Variants in TNFSF15 observed in about 807,000 individuals in gnomAD.
The protein encoded by TNFSF15 is tumor necrosis factor ligand superfamily member 15.
A neutral mutation model predicts 26.4 loss-of-function variants in TNFSF15; 15 were observed. The observed-to-expected ratio is 0.57, with a 90% CI of 0.38 to 0.87. The LOEUF (loss-of-function observed/expected upper bound fraction) is 0.87, where lower values mean the gene tolerates loss of function less well. Ranked by LOEUF, TNFSF15 falls within the 40% of genes least tolerant of loss-of-function variation. TNFSF15 has a pLI of 0.00. For missense variants in TNFSF15, 290 were observed against 306.1 expected (o/e 0.95, Z 0.39); for synonymous variants, 116 against 115.0 (o/e 1.01, Z -0.06).
At chr9:114,799,703 T>C (rs576638505) in intron 1 of TNFSF15, among the ~76,000 whole-genome samples, 2 of 152,334 alleles carry the variant, frequency 1.3e-5, no homozygotes, top group Non-Finnish European at 2.9e-5. Context: ...GTATGCTCCA[T>C]TGGGTGCGGA....
intron 1 of TNFSF15, among the ~76,000 whole-genome samples, chr9:114,800,419 G>T (rs1829730591): frequency 6.6e-6 from 1 of 152,090 alleles, no homozygotes. Flanking sequence ...TATGGGGTAG[G>T]TGCTTTTCAT....
intron 1 of TNFSF15, among the ~76,000 whole-genome samples, chr9:114,800,669 A>G (rs189244452): frequency 6.6e-6 from 1 of 152,290 alleles, no homozygotes; most frequent in Non-Finnish European, 1.5e-5. Flanking sequence ...GAGGTGATGC[A>G]TGTAGTAATG....
intron 1 of TNFSF15, among the ~76,000 whole-genome samples, chr9:114,798,123 G>A (rs1352060092): frequency 6.6e-6 from 1 of 152,182 alleles, no homozygotes; most frequent in Non-Finnish European, 1.5e-5. Flanking sequence ...GGCCTCTAAA[G>A]GTCTTCATCA....
chr9:114,804,610 C>T (rs1335029278), intron 1 of TNFSF15, among the ~76,000 whole-genome samples: 1 of 152,202 alleles, frequency 6.6e-6, no homozygotes, highest in Non-Finnish European at 1.5e-5. Context: ...CCAGCAGAAA[C>T]TGGCCCCTTG....
At chr9:114,797,628 C>G (rs112714800) in intron 1 of TNFSF15, among the ~76,000 whole-genome samples, 7 of 152,320 alleles carry the variant, frequency 4.6e-5, no homozygotes, top group African/African-American at 1.4e-4. Flanking sequence ...GAACACCAGG[C>G]CAATGCAATG....
At position 114,789,772 on chromosome 9, in the gene TNFSF15, A is replaced by G. The variant is rs372229873; in HGVS notation, c.*680T>C. On this transcript the variant is annotated 3_prime_UTR_variant, in exon 4 of 4. Coordinates refer to ENST00000374045, the MANE Select transcript of TNFSF15 (RefSeq NM_005118.4). ...CAAAATAGGTGGGCAAGAAAACTCT[A>G]CTGAATACAAGCAACTGTTGTATTT... 1 of 152,332 alleles carries G rather than the reference A, an allele frequency of 6.6e-6. No homozygotes were observed. Among genetic ancestry groups the G allele is most frequent in the Non-Finnish European group, 1.5e-5 (1 of 68,030 alleles). 9.4% of individuals were successfully genotyped at this position (152,332 alleles called of 1,614,324 possible). A position where few individuals can be genotyped will look rare whatever the true frequency, so the allele number is the denominator to read the frequency against.
At chr9:114,796,950 G>A (rs543875104) in intron 1 of TNFSF15, among the ~76,000 whole-genome samples, 1 of 152,310 alleles carries the variant, frequency 6.6e-6, no homozygotes, top group East Asian at 1.9e-4. Context: ...AACTTATTCT[G>A]TAGTCTATTG....
At position 114,806,025 on chromosome 9, in the gene TNFSF15, C is replaced by G; in HGVS notation, c.-13G>C. The G allele has an allele frequency of 1.2e-6, 2 of 1,611,984 alleles. No individual in the cohort carries two copies. Among genetic ancestry groups the G allele is most frequent in the Non-Finnish European group, 1.7e-6 (2 of 1,178,822 alleles). ...GATCCTCGGCCATGCTCCTGCTGCT[C>G]CTGGAGGCACCTCTGACTCCTGGGC... On this transcript the variant is annotated 5_prime_UTR_variant, in exon 1 of 4. Transcript: ENST00000374045.
chr9:114,802,269 T>C (rs1009036285), intron 1 of TNFSF15, among the ~76,000 whole-genome samples: 5 of 152,228 alleles, frequency 3.3e-5, no homozygotes. Context: ...GTTTTTGTTT[T>C]TGAGACGGAG....
At chr9:114,791,210 A>C (rs1347072488) in intron 3 of TNFSF15, 1 of 533,020 alleles carries the variant, frequency 1.9e-6, no homozygotes, top group African/African-American at 1.9e-5. Context: ...AAGGTTAAGG[A>C]ATCCCCCTAT....
At position 114,785,659 on chromosome 9, in the gene TNFSF15, TG is replaced by T. The variant is rs1829489290; in HGVS notation, c.*4792del. 6.6e-6 allele frequency: 1 copy of T among 152,168 alleles called. No homozygotes were observed. The highest frequency in any genetic ancestry group is 1.5e-5 in the Non-Finnish European group (1 of 68,014). 9.4% of individuals were successfully genotyped at this position (152,168 alleles called of 1,614,324 possible). On this transcript the variant is annotated 3_prime_UTR_variant, in exon 4 of 4. Coordinates refer to ENST00000374045, the MANE Select transcript of TNFSF15 (RefSeq NM_005118.4). ...TCTATTTTGGAGTAGAAAATTCCTT[TG>T]GGGATCAAGCCAGAGAGGGCAACCT...
Position 114,805,847 on chromosome 9 carries a change from C to T in TNFSF15, c.166G>A (p.Val56Ile), listed in dbSNP as rs961818106. The change falls in exon 1 of 4, where the codon GTC becomes ATC. Residue 56 changes from valine (V) to isoleucine (I), a missense_variant. By Grantham distance (29) the Val-to-Ile change is conservative. This residue lies in a region of TNFSF15 where 179 missense variants were observed against 165.9 expected (regional missense o/e 1.08). Coordinates refer to ENST00000374045, the MANE Select transcript of TNFSF15 (RefSeq NM_005118.4). ...TCTCCCTGGGCCCGGAGCTGGCTGA[C>T]AAGCAGGTATGTGGTGAGTCCTGCA... ...FLAGLTTYLL[V>I]SQLRAQGEAC... The T allele has an allele frequency of 6.2e-7, 1 of 1,613,756 alleles. No homozygotes were observed. The highest frequency in any genetic ancestry group is 1.1e-5 in the South Asian group (1 of 91,072).
At position 114,785,543 on chromosome 9, in the gene TNFSF15, C is replaced by A. The variant is rs371434038; in HGVS notation, c.*4909G>T. ...TCCTTTGGCTTAATCTCTCCCCCAA[C>A]CTCTGTGAAGAATAGCTTCTACAAA... is the stretch of plus-strand genomic sequence containing the variant. On this transcript the variant is annotated 3_prime_UTR_variant, in exon 4 of 4. Transcript: ENST00000374045. The A allele has an allele frequency of 6.6e-6, 1 of 152,232 alleles. No homozygotes were observed. 9.4% of individuals were successfully genotyped at this position (152,232 alleles called of 1,614,324 possible). A position where few individuals can be genotyped will look rare whatever the true frequency, so the allele number is the denominator to read the frequency against.
At chr9:114,792,514 C>T (rs892706887) in intron 2 of TNFSF15, 60 bp from the exon 3 acceptor site, 1 of 1,611,518 alleles carries the variant, frequency 6.2e-7, no homozygotes, top group East Asian at 2.2e-5. Context: ...ATGAAGACGG[C>T]CCTTTGTGAG....
intron 1 of TNFSF15, 63 bp from the exon 2 acceptor site, chr9:114,793,631 T>C (rs1829638465): frequency 1.3e-6 from 2 of 1,487,550 alleles, no homozygotes; most frequent in African/African-American, 1.4e-5. Flanking sequence ...CACTTACAGC[T>C]TCCCATAGCA....
chr9:114,792,990 C>A (rs1485890017), intron 2 of TNFSF15, among the ~76,000 whole-genome samples: 1 of 152,140 alleles, frequency 6.6e-6, no homozygotes, highest in Non-Finnish European at 1.5e-5. Context: ...CTCTCTGGGC[C>A]TCTGTTTGTC....
intron 2 of TNFSF15, 182 bp from the exon 3 acceptor site, chr9:114,792,636 G>A: frequency 7.2e-7 from 1 of 1,380,032 alleles, no homozygotes; most frequent in Non-Finnish European, 9.7e-7. Flanking sequence ...GCACCACCAA[G>A]GACAGGGTGA....
intron 2 of TNFSF15, 83 bp downstream of exon 2, chr9:114,793,443 C>T: frequency 2.0e-6 from 3 of 1,493,530 alleles, no homozygotes; most frequent in Non-Finnish European, 2.8e-6. Context: ...CTTAAAGACT[C>T]ATCTCTGAAC....
chr9:114,800,822 C>T (rs983534883), intron 1 of TNFSF15, among the ~76,000 whole-genome samples: 3 of 152,104 alleles, frequency 2.0e-5, no homozygotes, highest in Non-Finnish European at 4.4e-5. Flanking sequence ...ATTAAGAGGT[C>T]GCAGCTGTGA....
Sources: gnomAD v4.1 joint callset for allele counts (sites outside exome capture counted in the v4.1 genomes callset) on GRCh38, gnomAD v4.1.1 for gene constraint, gnomAD v4.1.1 regional missense constraint, MANE v1.5 for transcripts, NCBI Gene and HGNC (gene_info 2026-07-23, HGNC 2026-07-21) for gene names.